The following DNAJB14 variants were observed in gnomAD, a reference collection of about 807,000 sequenced individuals.
DNAJB14 encodes the protein DnaJ heat shock protein family (Hsp40) member B14.
Under a neutral mutation model 48.4 loss-of-function variants are expected in DNAJB14, and 22 were observed. The observed-to-expected ratio is 0.45, with a 90% CI of 0.32 to 0.65. The LOEUF (loss-of-function observed/expected upper bound fraction) is 0.65. DNAJB14 is among the 30% of genes least tolerant of loss of function. The probability of loss-of-function intolerance (pLI) is 0.03; values close to 1 mark genes in which losing one functional copy is unlikely to be tolerated. For synonymous variants in DNAJB14, 142 were observed against 158.7 expected, an observed-to-expected ratio of 0.89 and a Z score of 0.79; for missense variants, 319 against 458.8, an observed-to-expected ratio of 0.70 and a Z score of 2.78.
At chr4:99,937,770 G>A (rs936253158) in intron 1 of DNAJB14, among the ~76,000 whole-genome samples, 1 of 150,180 alleles carries the variant, frequency 6.7e-6, no homozygotes, top group Admixed American at 6.7e-5. Context: ...AAACAAATAC[G>A]ATGAAATATC....
chr4:99,937,871 A>C (rs2110222353), intron 1 of DNAJB14, among the ~76,000 whole-genome samples: 1 of 151,112 alleles, frequency 6.6e-6, no homozygotes, highest in South Asian at 2.1e-4. Context: ...ACTTGAGCCC[A>C]GGAGTTCAAA....
At chr4:99,913,209 C>G (rs781057495) in intron 3 of DNAJB14, among the ~76,000 whole-genome samples, 9 of 152,146 alleles carry the variant, frequency 5.9e-5, no homozygotes, top group Non-Finnish European at 1.3e-4. Flanking sequence ...ATTACTACTT[C>G]CTGCACTTTG....
At chr4:99,920,180 T>C (rs375964284) in intron 3 of DNAJB14, among the ~76,000 whole-genome samples, 1 of 152,222 alleles carries the variant, frequency 6.6e-6, no homozygotes, top group East Asian at 1.9e-4. Context: ...GTTTGTTAAA[T>C]GTGAGGCATT....
chr4:99,941,401 T>C (rs1726885470), intron 1 of DNAJB14, among the ~76,000 whole-genome samples: 2 of 152,166 alleles, frequency 1.3e-5, no homozygotes, highest in Non-Finnish European at 2.9e-5. Flanking sequence ...GAGACAAACA[T>C]ACTATCAACT....
At chr4:99,946,289 C>G in intron 1 of DNAJB14, 150 bp downstream of exon 1, 3 of 1,249,040 alleles carry the variant, frequency 2.4e-6, no homozygotes, top group Non-Finnish European at 3.3e-6. Flanking sequence ...GGGGGTGTGT[C>G]GGGATGCTCC....
intron 5 of DNAJB14, 114 bp downstream of exon 5, chr4:99,906,403 C>G: frequency 9.1e-7 from 1 of 1,093,136 alleles, no homozygotes; most frequent in South Asian, 1.5e-5. Flanking sequence ...CCAAACACCT[C>G]TAGTAAGAGA....
intron 1 of DNAJB14, among the ~76,000 whole-genome samples, chr4:99,943,776 T>C (rs1560751703): frequency 6.6e-6 from 1 of 152,096 alleles, no homozygotes; most frequent in African/African-American, 2.4e-5. Context: ...AATGACTAAA[T>C]GAAATCATAT....
chr4:99,930,179 T>C (rs1019025104), intron 2 of DNAJB14: 2 of 255,336 alleles, frequency 7.8e-6, no homozygotes, highest in Non-Finnish European at 1.5e-5. Flanking sequence ...ATAAACAACA[T>C]ATTGTGTGAA....
Position 99,899,414 on chromosome 4 carries a change from G to A in DNAJB14, c.*1614C>T, listed in dbSNP as rs1725224418. 1 of 146,134 alleles carries A rather than the reference G, an allele frequency of 6.8e-6. No homozygotes were observed. Among genetic ancestry groups the A allele is most frequent in the South Asian group, 2.1e-4 (1 of 4,654 alleles). The allele number at this position is 146,134 out of a possible 1,614,324, so 9.1% of individuals were successfully genotyped here. A position where few individuals can be genotyped will look rare whatever the true frequency, so the allele number is the denominator to read the frequency against. ...GCACTGCTTTTTTTTTTTTTTTAAG[G>A]TAACATTTCTAAGAGCAAGTTGGTT... On this transcript the variant is annotated 3_prime_UTR_variant, in exon 8 of 8. Coordinates refer to ENST00000442697, the MANE Select transcript of DNAJB14 (RefSeq NM_001031723.4).
chr4:99,911,286 C>T (rs1725651014), intron 3 of DNAJB14, among the ~76,000 whole-genome samples: 1 of 152,070 alleles, frequency 6.6e-6, no homozygotes, highest in South Asian at 2.1e-4. Context: ...ACTGTTTAAC[C>T]ATTTACCACT....
intron 1 of DNAJB14, among the ~76,000 whole-genome samples, chr4:99,939,053 T>C (rs1726794928): frequency 6.6e-6 from 1 of 152,136 alleles, no homozygotes; most frequent in Non-Finnish European, 1.5e-5. Flanking sequence ...AGTGGTTATA[T>C]ATGTTTAATA....
At chr4:99,944,521 A>G (rs1184625519) in intron 1 of DNAJB14, among the ~76,000 whole-genome samples, 1 of 152,068 alleles carries the variant, frequency 6.6e-6, no homozygotes, top group Admixed American at 6.5e-5. Flanking sequence ...AATGTGGTGT[A>G]TATATACAAT....
intron 3 of DNAJB14, among the ~76,000 whole-genome samples, chr4:99,916,231 C>A (rs1026986880): frequency 6.6e-6 from 1 of 152,162 alleles, no homozygotes; most frequent in Non-Finnish European, 1.5e-5. Context: ...CTCAACCCCC[C>A]AGGCTCAAGT....
chr4:99,916,739 T>A (rs1725870520), intron 3 of DNAJB14, among the ~76,000 whole-genome samples: 1 of 152,170 alleles, frequency 6.6e-6, no homozygotes, highest in Admixed American at 6.5e-5. Flanking sequence ...ATATGTGTTA[T>A]ATATACATAA....
chr4:99,909,391 C>T (rs1415147808), intron 3 of DNAJB14, among the ~76,000 whole-genome samples: 1 of 151,936 alleles, frequency 6.6e-6, no homozygotes, highest in Non-Finnish European at 1.5e-5. Context: ...TTTATGCAGC[C>T]CATACCAAAA....
intron 1 of DNAJB14, among the ~76,000 whole-genome samples, chr4:99,942,999 T>C (rs1380706195): frequency 1.3e-5 from 2 of 152,190 alleles, no homozygotes; most frequent in Non-Finnish European, 2.9e-5. Flanking sequence ...TGAAATATTT[T>C]ATCAGGATCT....
At chr4:99,918,403 G>C (rs1166104371) in intron 3 of DNAJB14, among the ~76,000 whole-genome samples, 1 of 152,162 alleles carries the variant, frequency 6.6e-6, no homozygotes, top group African/African-American at 2.4e-5. Context: ...ACATTTATAT[G>C]ATCATAAACA....
chr4:99,905,995 G>C (rs1365561546), intron 5 of DNAJB14: 32 of 1,292,254 alleles, frequency 2.5e-5, no homozygotes, highest in East Asian at 2.1e-4. Flanking sequence ...CCCACACACA[G>C]AGACGCTATC....
chr4:99,915,962 T>C (rs184279324), intron 3 of DNAJB14, among the ~76,000 whole-genome samples: 94 of 152,354 alleles, frequency 6.2e-4, no homozygotes, highest in Admixed American at 3.1e-3. Context: ...TTATCATGTA[T>C]GTGTTCATAA....
Sources: allele counts gnomAD v4.1 joint callset (sites outside exome capture counted in the v4.1 genomes callset), GRCh38; gene constraint gnomAD v4.1.1; transcripts MANE v1.5; gene names NCBI Gene and HGNC (gene_info 2026-07-23, HGNC 2026-07-21).